TENM2: variants seen among roughly 807,000 people sequenced by gnomAD.
TENM2 encodes the protein teneurin-2.
TENM2 carries 52 observed loss-of-function variants against 245.2 expected under a neutral mutation model. The ratio of observed to expected loss-of-function variants is 0.21; its 90% CI spans 0.17 to 0.27. The LOEUF (loss-of-function observed/expected upper bound fraction) is 0.27. TENM2 is among the 10% of genes least tolerant of loss of function. The pLI, the probability that TENM2 is intolerant of heterozygous loss-of-function variation, is 1.00. For synonymous variants in TENM2, 1,363 were observed against 1,438.9 expected (o/e 0.95, Z 1.19); for missense variants, 3,046 against 3,666.8 (o/e 0.83, Z 4.37).
intron 2 of TENM2, among the ~76,000 whole-genome samples, chr5:167,408,529 G>T (rs952404932): frequency 2.0e-5 from 3 of 151,966 alleles, no homozygotes; most frequent in African/African-American, 7.3e-5. Context: ...ATATCATTGA[G>T]AAATAAAGTT....
chr5:167,595,126 ATCT>A (rs1776116121), intron 2 of TENM2, among the ~76,000 whole-genome samples: 1 of 152,166 alleles, frequency 6.6e-6, no homozygotes, highest in Admixed American at 6.5e-5. Context: ...TATCAGATAA[ATCT>A]TCTTTTACAT....
At position 168,257,568 on chromosome 5, in the gene TENM2, A is replaced by T. The variant is rs116755891; in HGVS notation, c.7433-2715A>T. ...CTTTTTCAATGAAAGAAGTGGGGAGACCCTGGGGTGCTCTGAACTTCTCAG... is the reference window on the plus strand; with the variant it reads ...CTTTTTCAATGAAAGAAGTGGGGAGTCCCTGGGGTGCTCTGAACTTCTCAG... On this transcript the variant is annotated intron_variant, in intron 27 of 28. Transcript: ENST00000518659. 9.4e-3 allele frequency among the ~76,000 whole-genome samples: 1,401 copies of T among 148,314 alleles called. 23 individuals carry two copies. Among genetic ancestry groups the T allele is most frequent in the African/African-American group, 0.033 (1,339 of 40,168 alleles).
At position 167,321,800 on chromosome 5, in the gene TENM2, TTG is replaced by T. The variant is rs1554133758; in HGVS notation, c.226+36738_226+36739del. 1.2e-3 allele frequency among the ~76,000 whole-genome samples: 15 copies of T among 12,176 alleles called. No individual in the cohort carries two copies. In the East Asian group the frequency reaches 0.019, roughly 16 times the overall value. The allele number at this position is 12,176 out of a possible 152,430, so 8.0% of individuals were successfully genotyped here. On this transcript the variant is annotated intron_variant, in intron 1 of 28. Coordinates refer to ENST00000518659, the Ensembl canonical transcript of TENM2. Reference sequence around the variant, plus strand: ...GCCTTGGCTTATTTTTTTTTTTTTTTTGGGGGGGGGGGCGGGGGGGGGGGTGG... The same window carrying T: ...GCCTTGGCTTATTTTTTTTTTTTTTTGGGGGGGGGGCGGGGGGGGGGGTGG...
the TENM2 span, among the ~76,000 whole-genome samples, chr5:167,003,997 T>A: frequency 6.6e-6 from 1 of 152,198 alleles, no homozygotes; most frequent in Non-Finnish European, 1.5e-5. Flanking sequence ...TCCGAGTCAA[T>A]TCCTTTGCTC....
At chr5:167,218,592 G>T in the TENM2 span, among the ~76,000 whole-genome samples, 2 of 152,062 alleles carry the variant, frequency 1.3e-5, no homozygotes, top group Admixed American at 6.6e-5. Flanking sequence ...GCTTGGCAAA[G>T]TTCTAGCATG....
At chr5:167,249,266 G>A in the TENM2 span, among the ~76,000 whole-genome samples, 1 of 152,308 alleles carries the variant, frequency 6.6e-6, no homozygotes, top group South Asian at 2.1e-4. Context: ...TACAAGGTAT[G>A]AAGTACCAGT....
chr5:167,014,714 C>T, the TENM2 span, among the ~76,000 whole-genome samples: 15 of 152,194 alleles, frequency 9.9e-5, no homozygotes, highest in Non-Finnish European at 1.8e-4. Flanking sequence ...AAACCTGGCA[C>T]GTTTCATTAC....
chr5:167,484,238 G>A (rs369506855), intron 2 of TENM2, among the ~76,000 whole-genome samples: 11 of 152,082 alleles, frequency 7.2e-5, no homozygotes, highest in African/African-American at 2.4e-4. Flanking sequence ...CTAGCTACTC[G>A]GGAGGCTGAG....
chr5:167,323,496 C>T (rs972586938), intron 1 of TENM2, among the ~76,000 whole-genome samples: 8 of 151,934 alleles, frequency 5.3e-5, no homozygotes, highest in Non-Finnish European at 7.4e-5. Context: ...TGAGATGTGT[C>T]CTCTGAATAT....
the TENM2 span, among the ~76,000 whole-genome samples, chr5:167,253,355 C>T: frequency 6.6e-6 from 1 of 151,570 alleles, no homozygotes; most frequent in Non-Finnish European, 1.5e-5. Flanking sequence ...ACCTCGGCCT[C>T]CCAAAGTGCT....
intron 2 of TENM2, among the ~76,000 whole-genome samples, chr5:167,838,161 T>C (rs1434963960): frequency 6.6e-6 from 1 of 152,262 alleles, no homozygotes; most frequent in Non-Finnish European, 1.5e-5. Context: ...AATCTGATGC[T>C]TGGTGATACA....
chr5:167,955,003 A>G (rs1169681458), intron 4 of TENM2, among the ~76,000 whole-genome samples: 2 of 152,196 alleles, frequency 1.3e-5, no homozygotes, highest in Non-Finnish European at 2.9e-5. Context: ...TTGCTGGGTC[A>G]AATGGTATTT....
intron 3 of TENM2, among the ~76,000 whole-genome samples, chr5:167,945,394 C>T (rs1056463173): frequency 2.0e-5 from 3 of 152,190 alleles, no homozygotes; most frequent in Admixed American, 6.5e-5. Flanking sequence ...AACCTCCCCA[C>T]ACCTCAGTCT....
intron 2 of TENM2, among the ~76,000 whole-genome samples, chr5:167,545,212 T>C (rs1402970294): frequency 6.6e-6 from 1 of 152,194 alleles, no homozygotes; most frequent in African/African-American, 2.4e-5. Context: ...TAATACTGCC[T>C]TGTTCTTAGG....
At chr5:168,211,852 T>C (rs1377318935) in intron 20 of TENM2, 98 bp downstream of exon 22, 3 of 714,538 alleles carry the variant, frequency 4.2e-6, no homozygotes, top group Non-Finnish European at 4.5e-6. Context: ...ATGTTGTATA[T>C]TTTTATGTAC....
chr5:167,397,801 G>T (rs569254065), intron 2 of TENM2, among the ~76,000 whole-genome samples: 31 of 152,142 alleles, frequency 2.0e-4, no homozygotes, highest in Admixed American at 9.8e-4. Context: ...TCTGAAATTC[G>T]CATCAAGAAA....
chr5:167,022,267 G>A, the TENM2 span, among the ~76,000 whole-genome samples: 11 of 152,170 alleles, frequency 7.2e-5, no homozygotes, highest in Admixed American at 1.3e-4. Context: ...CCAATGAAGA[G>A]TCAATTGGAG....
chr5:167,222,408 C>T, the TENM2 span, among the ~76,000 whole-genome samples: 2 of 152,174 alleles, frequency 1.3e-5, no homozygotes, highest in Non-Finnish European at 2.9e-5. Flanking sequence ...TTGCATTGCA[C>T]AGTTTTGGTT....
At chr5:167,953,261 T>C (rs1053375969) in intron 4 of TENM2, 1 of 201,092 alleles carries the variant, frequency 5.0e-6, no homozygotes, top group Non-Finnish European at 1.0e-5. Context: ...CTGACAGAAG[T>C]ATAATTTAAA....
Sources: allele counts gnomAD v4.1 joint callset (sites outside exome capture counted in the v4.1 genomes callset), GRCh38; gene constraint gnomAD v4.1.1; transcripts MANE v1.5; gene names NCBI Gene and HGNC (gene_info 2026-07-23, HGNC 2026-07-21).